The following ANKFY1 variants were observed in gnomAD, a reference collection of about 807,000 sequenced individuals.
ANKFY1 encodes the protein ankyrin repeat and FYVE domain-containing protein 1.
A neutral mutation model predicts 128.3 loss-of-function variants in ANKFY1; 47 were observed. That is an observed-to-expected ratio of 0.37 (90% CI 0.29 to 0.47). The LOEUF is 0.47. ANKFY1 is among the 20% of genes least tolerant of loss of function. The pLI, the probability that ANKFY1 is intolerant of heterozygous loss-of-function variation, is 1.00. For synonymous variants in ANKFY1, 553 were observed against 601.6 expected, an observed-to-expected ratio of 0.92 and a Z score of 1.18; for missense variants, 1,222 against 1,510.6, an observed-to-expected ratio of 0.81 and a Z score of 3.17.
At position 4,208,080 on chromosome 17, in the gene ANKFY1, G is replaced by A. The variant is rs574028403; in HGVS notation, c.585C>T (p.Asp195=). Residue 195 remains aspartate (D), a splice_region_variant and synonymous_variant, in exon 6 of 25, where the codon GAC becomes GAT. Transcript: ENST00000341657. ...YCAEIIASHW[D]DLRKEDFSSM... is the part of the protein sequence containing the mutation. ...TGCTGAAATCCTCCTTCCTCAGGTC[G>A]TCCTGAGAATTCACAACACAGTGAA... 6 of 1,600,840 alleles carry A rather than the reference G, an allele frequency of 3.7e-6. No individual in the cohort carries two copies. Among genetic ancestry groups the A allele is most frequent in the Admixed American group, 3.5e-5 (2 of 57,164 alleles).
intron 24 of ANKFY1, among the ~76,000 whole-genome samples, chr17:4,168,367 C>T (rs1161326864): frequency 1.3e-5 from 2 of 152,150 alleles, no homozygotes; most frequent in East Asian, 1.9e-4. Context: ...GAATAAGAAT[C>T]GCTTGAACCC....
At chr17:4,210,664 T>C (rs113888443) in intron 4 of ANKFY1, among the ~76,000 whole-genome samples, 7,053 of 102,964 alleles carry the variant, frequency 0.068, 404 homozygotes, top group African/African-American at 0.18. Flanking sequence ...GCTGAGATCG[T>C]GCCATTGCAC....
intron 22 of ANKFY1, 36 bp from the exon 23 acceptor site, chr17:4,170,897 C>T (rs763099085): frequency 9.9e-6 from 16 of 1,612,272 alleles, no homozygotes; most frequent in Non-Finnish European, 1.3e-5. Context: ...CTACTTCCCA[C>T]CCGGCCCAGC....
intron 1 of ANKFY1, among the ~76,000 whole-genome samples, chr17:4,247,200 G>A (rs1967589247): frequency 6.6e-6 from 1 of 152,004 alleles, no homozygotes; most frequent in Non-Finnish European, 1.5e-5. Flanking sequence ...AAATGGAGGA[G>A]ATCCTGAAAG....
At chr17:4,240,413 A>C (rs1967149964) in intron 2 of ANKFY1, among the ~76,000 whole-genome samples, 1 of 150,044 alleles carries the variant, frequency 6.7e-6, no homozygotes, top group African/African-American at 2.5e-5. Context: ...TTTTTTTAAG[A>C]CAGGGTCTCT....
intron 3 of ANKFY1, 112 bp downstream of exon 3, chr17:4,235,660 T>C (rs1381022985): frequency 1.0e-5 from 8 of 776,344 alleles, no homozygotes; most frequent in Non-Finnish European, 1.5e-5. Context: ...CATCAATTGC[T>C]TAATTATTTT....
At chr17:4,263,351 A>G (rs1387421183) in intron 1 of ANKFY1, among the ~76,000 whole-genome samples, 1 of 152,082 alleles carries the variant, frequency 6.6e-6, no homozygotes, top group Non-Finnish European at 1.5e-5. Context: ...CCTTCCCGCA[A>G]ACCCCTTCCT....
intron 4 of ANKFY1, among the ~76,000 whole-genome samples, chr17:4,211,958 GAA>G (rs1349196705): frequency 1.9e-4 from 29 of 152,182 alleles, no homozygotes; most frequent in African/African-American, 7.0e-4. Flanking sequence ...AGAGAGAGCT[GAA>G]GGCAGGCAAA....
chr17:4,248,547 T>C (rs1967678812), intron 1 of ANKFY1, among the ~76,000 whole-genome samples: 1 of 152,224 alleles, frequency 6.6e-6, no homozygotes, highest in South Asian at 2.1e-4. Context: ...GAACAGTGTC[T>C]GGTTTAGTAA....
intron 12 of ANKFY1, 97 bp downstream of exon 12, chr17:4,184,721 T>A: frequency 2.9e-6 from 4 of 1,361,752 alleles, no homozygotes; most frequent in Non-Finnish European, 4.1e-6. Context: ...ACTAGCCATA[T>A]GAAACTCACC....
Position 4,169,298 on chromosome 17 carries a change from A to AG in ANKFY1, c.3287-11dup, listed in dbSNP as rs1221519839. Reference sequence around the variant, plus strand: ...TCCTTGGACAGCATATCTGCAACACAGGGGGGAGGCCCGGTCCCGTCAAAC... The same window carrying AG: ...TCCTTGGACAGCATATCTGCAACACAGGGGGGGAGGCCCGGTCCCGTCAAAC... On this transcript the variant is annotated splice_polypyrimidine_tract_variant and intron_variant, in intron 23 of 24. Transcript: ENST00000341657. This position sits in a 1 kb window ranked among gnomAD's most constrained non-coding sequence, Gnocchi z 5.0. 1 of 1,542,630 alleles carries AG rather than the reference A, an allele frequency of 6.5e-7. No homozygotes were observed. Among genetic ancestry groups the AG allele is most frequent in the Non-Finnish European group, 8.8e-7 (1 of 1,140,964 alleles).
intron 10 of ANKFY1, among the ~76,000 whole-genome samples, chr17:4,191,616 C>T (rs1476662980): frequency 7.4e-6 from 1 of 135,924 alleles, no homozygotes; most frequent in African/African-American, 2.8e-5. Flanking sequence ...AATCTGGAGA[C>T]TCCTAGTTGA....
chr17:4,244,391 C>G (rs770072329), intron 1 of ANKFY1, among the ~76,000 whole-genome samples: 1 of 152,092 alleles, frequency 6.6e-6, no homozygotes, highest in Non-Finnish European at 1.5e-5. Context: ...CTGAGGAAGC[C>G]GTCATGAAAC....
intron 11 of ANKFY1, chr17:4,187,494 C>A: frequency 2.6e-6 from 1 of 379,892 alleles, no homozygotes; most frequent in Non-Finnish European, 4.7e-6. Flanking sequence ...CAGGATAAAG[C>A]CCACACAGCG....
intron 5 of ANKFY1, among the ~76,000 whole-genome samples, chr17:4,209,573 T>C (rs1450832417): frequency 6.6e-6 from 1 of 152,168 alleles, no homozygotes; most frequent in Non-Finnish European, 1.5e-5. Flanking sequence ...AGTGCTGGAA[T>C]TGCAGGCGTG....
chr17:4,243,802 G>A (rs1011689054), intron 1 of ANKFY1, among the ~76,000 whole-genome samples: 10 of 152,174 alleles, frequency 6.6e-5, no homozygotes, highest in African/African-American at 2.4e-4. Flanking sequence ...GAGAACCACC[G>A]TATTTGATTA....
chr17:4,169,346 C>T lies in ANKFY1; in HGVS notation c.3287-58G>A, dbSNP rs2059272714. ...AACCGCGACGGCGCCACGCAAGCCC[C>T]AGGGCTTGGAGGCAGCAGGAACACA... is the stretch of plus-strand genomic sequence containing the variant. On this transcript the variant is annotated intron_variant, in intron 23 of 24. Transcript: ENST00000341657. The surrounding 1 kb of genome is among the most constrained non-coding windows in gnomAD (Gnocchi z 5.0). 5 of 1,363,424 alleles carry T rather than the reference C, an allele frequency of 3.7e-6. No individual in the cohort carries two copies. The highest frequency in any genetic ancestry group is 2.0e-5 in the Admixed American group (1 of 50,016). 84.5% of individuals were successfully genotyped at this position (1,363,424 alleles called of 1,614,324 possible).
chr17:4,228,417 GT>G (rs36040880), intron 3 of ANKFY1, among the ~76,000 whole-genome samples: 45,736 of 145,534 alleles, frequency 0.31, 7,623 homozygotes, highest in Admixed American at 0.39. Context: ...TTTTTTGTTA[GT>G]TTTTTTTTTT....
At chr17:4,240,726 T>C (rs1967167545) in intron 2 of ANKFY1, among the ~76,000 whole-genome samples, 1 of 152,310 alleles carries the variant, frequency 6.6e-6, no homozygotes, top group African/African-American at 2.4e-5. Context: ...ACCCTGATTA[T>C]GACAGTCCCC....
Sources: allele counts gnomAD v4.1 joint callset (sites outside exome capture counted in the v4.1 genomes callset), GRCh38; gene constraint gnomAD v4.1.1; non-coding constraint Gnocchi (gnomAD v3.1); transcripts MANE v1.5; gene names NCBI Gene and HGNC (gene_info 2026-07-23, HGNC 2026-07-21).